GFRA1: variants seen among roughly 807,000 people sequenced by gnomAD.
The protein encoded by GFRA1 is GDNF family receptor alpha-1.
A neutral mutation model predicts 51.6 loss-of-function variants in GFRA1; 16 were observed. That is an observed-to-expected ratio of 0.31 (90% confidence interval 0.21 to 0.47). The LOEUF (loss-of-function observed/expected upper bound fraction) is 0.47. Among genes scored for constraint, GFRA1 ranks in the 20% least tolerant of loss-of-function variants. The pLI, the probability that GFRA1 is intolerant of heterozygous loss-of-function variation, is 1.00. For missense variants in GFRA1, 530 were observed against 594.3 expected (o/e 0.89, Z 1.13); for synonymous variants, 270 against 241.3 (o/e 1.12, Z -1.10).
At chr10:116,125,113 C>T in intron 6 of GFRA1, 108 bp downstream of exon 6, 1 of 957,494 alleles carries the variant, frequency 1.0e-6, no homozygotes, top group Non-Finnish European at 1.7e-6. Context: ...GGGCTCCCCT[C>T]CCTCCTCTAC....
intron 6 of GFRA1, among the ~76,000 whole-genome samples, chr10:116,105,623 T>C (rs961737380): frequency 5.9e-5 from 9 of 152,144 alleles, no homozygotes; most frequent in Admixed American, 6.5e-5. Context: ...AGTGAGAGAA[T>C]TGGGGACCAC....
At chr10:116,216,032 G>C (rs1309761697) in intron 4 of GFRA1, among the ~76,000 whole-genome samples, 2 of 152,130 alleles carry the variant, frequency 1.3e-5, no homozygotes, top group Admixed American at 1.3e-4. Flanking sequence ...TCTTCAGTTA[G>C]GAATGAGCAT....
In GFRA1 at chr10:116,202,042, G is replaced by A. The variant is rs558642433; in HGVS notation, c.433+9589C>T. On this transcript the variant is annotated intron_variant, in intron 5 of 10. Transcript: ENST00000355422. ...GCCCACACAAAACACCGATTCCTCC[G>A]AGCTTTGTCCTCTTTTCCACTTTCA... 3.9e-5 allele frequency among the ~76,000 whole-genome samples: 6 copies of A among 152,250 alleles called. No homozygotes were observed. In the East Asian group the frequency reaches 9.7e-4, roughly 25 times the overall value.
intron 4 of GFRA1, among the ~76,000 whole-genome samples, chr10:116,241,470 A>G (rs192917287): frequency 1.2e-4 from 18 of 152,328 alleles, no homozygotes; most frequent in Non-Finnish European, 2.1e-4. Flanking sequence ...TGTCTCTGCA[A>G]TGTCTTCCTT....
intron 5 of GFRA1, among the ~76,000 whole-genome samples, chr10:116,161,261 G>C (rs1178298478): frequency 6.6e-6 from 1 of 152,208 alleles, no homozygotes; most frequent in African/African-American, 2.4e-5. Flanking sequence ...TGGAAGGTCA[G>C]TTCTCCAGCC....
At position 116,061,105 on chromosome 10, in the gene GFRA1, C is replaced by A. The variant is rs1364256625; in HGVS notation, c.*3293G>T. The A allele has an allele frequency of 3.3e-5, 5 of 152,032 alleles. No homozygotes were observed. Among genetic ancestry groups the A allele is most frequent in the African/African-American group, 9.7e-5 (4 of 41,376 alleles). 9.4% of individuals were successfully genotyped at this position (152,032 alleles called of 1,614,324 possible). ...GGGCGGCAGCTAGAAGCGGCCCATC[C>A]TCAGAGTGTATGCAAGACAGGAAGT... On this transcript the variant is annotated 3_prime_UTR_variant, in exon 11 of 11. Coordinates refer to ENST00000355422, the MANE Select transcript of GFRA1 (RefSeq NM_005264.8).
intron 5 of GFRA1, among the ~76,000 whole-genome samples, chr10:116,144,921 G>T (rs2134108779): frequency 6.6e-6 from 1 of 152,000 alleles, no homozygotes; most frequent in South Asian, 2.1e-4. Context: ...GGCTGAGGAG[G>T]GCGGATCATC....
At chr10:116,240,635 G>A (rs1967282810) in intron 4 of GFRA1, among the ~76,000 whole-genome samples, 1 of 152,164 alleles carries the variant, frequency 6.6e-6, no homozygotes, top group Non-Finnish European at 1.5e-5. Flanking sequence ...AAGAACTGCG[G>A]CATGATCTGC....
At chr10:116,226,375 T>C (rs1966293968) in intron 4 of GFRA1, among the ~76,000 whole-genome samples, 2 of 152,192 alleles carry the variant, frequency 1.3e-5, no homozygotes, top group Non-Finnish European at 1.5e-5. Flanking sequence ...GGGCTGCCTT[T>C]TGAAAATGAT....
intron 4 of GFRA1, among the ~76,000 whole-genome samples, chr10:116,267,393 G>A (rs1969743767): frequency 6.6e-6 from 1 of 151,990 alleles, no homozygotes; most frequent in Admixed American, 6.6e-5. Flanking sequence ...TTGAACACGG[G>A]AGGCAAAGGT....
intron 5 of GFRA1, among the ~76,000 whole-genome samples, chr10:116,145,436 G>A (rs1958759576): frequency 1.6e-4 from 2 of 12,746 alleles, no homozygotes; most frequent in South Asian, 4.8e-3. Flanking sequence ...AAGAACAAAG[G>A]GAACTTAATT....
chr10:116,246,779 T>A (rs1304112680), intron 4 of GFRA1, among the ~76,000 whole-genome samples: 1 of 152,102 alleles, frequency 6.6e-6, no homozygotes, highest in Non-Finnish European at 1.5e-5. Flanking sequence ...AAAATGCATA[T>A]CCCCTTATAT....
intron 6 of GFRA1, among the ~76,000 whole-genome samples, chr10:116,109,855 A>G (rs1957139514): frequency 6.6e-6 from 1 of 152,114 alleles, no homozygotes; most frequent in South Asian, 2.1e-4. Flanking sequence ...CCAAATCCCA[A>G]CTGCCCTGCA....
intron 9 of GFRA1, among the ~76,000 whole-genome samples, chr10:116,080,956 C>A (rs548559690): frequency 6.6e-6 from 1 of 152,128 alleles, no homozygotes; most frequent in African/African-American, 2.4e-5. Flanking sequence ...AGCAAGGGGG[C>A]GACATGCCCT....
chr10:116,256,002 G>A (rs143410550), intron 4 of GFRA1, among the ~76,000 whole-genome samples: 1 of 152,264 alleles, frequency 6.6e-6, no homozygotes, highest in African/African-American at 2.4e-5. Context: ...GAAAGGGAGT[G>A]AGAATGCATA....
chr10:116,259,508 G>A (rs1001323547), intron 4 of GFRA1, among the ~76,000 whole-genome samples: 3 of 152,228 alleles, frequency 2.0e-5, no homozygotes, highest in Non-Finnish European at 2.9e-5. Context: ...TTAATAGTAC[G>A]CGTGTTCTGG....
chr10:116,080,391 G>A (rs992821363), intron 9 of GFRA1, among the ~76,000 whole-genome samples: 1 of 152,136 alleles, frequency 6.6e-6, no homozygotes, highest in Non-Finnish European at 1.5e-5. Flanking sequence ...TACAAATTGG[G>A]TGCAGTGTAT....
At chr10:116,069,611 G>A (rs1955281979) in intron 9 of GFRA1, among the ~76,000 whole-genome samples, 1 of 152,164 alleles carries the variant, frequency 6.6e-6, no homozygotes, top group African/African-American at 2.4e-5. Flanking sequence ...TAATTGTGGG[G>A]GGACAGACCT....
At chr10:116,239,377 A>G (rs1324366544) in intron 4 of GFRA1, among the ~76,000 whole-genome samples, 1 of 152,234 alleles carries the variant, frequency 6.6e-6, no homozygotes, top group Non-Finnish European at 1.5e-5. Flanking sequence ...AAATCATTAT[A>G]AAATCCCTTT....
Sources: gnomAD v4.1 joint callset for allele counts (sites outside exome capture counted in the v4.1 genomes callset) on GRCh38, gnomAD v4.1.1 for gene constraint, MANE v1.5 for transcripts, NCBI Gene and HGNC (gene_info 2026-07-23, HGNC 2026-07-21) for gene names.